POLR1B: variants seen among roughly 807,000 people sequenced by gnomAD.
POLR1B encodes RNA polymerase I subunit B, also known as DNA-directed RNA polymerase I subunit RPA2.
POLR1B carries 30 observed loss-of-function variants against 105.8 expected under a neutral mutation model. The ratio of observed to expected loss-of-function variants is 0.28; its 90% CI spans 0.21 to 0.38. POLR1B has a LOEUF of 0.38. Ranked by LOEUF, POLR1B falls within the 10% of genes least tolerant of loss-of-function variation. POLR1B has a pLI of 1.00. For synonymous variants in POLR1B, 485 were observed against 505.1 expected (o/e 0.96, Z 0.53); for missense variants, 976 against 1,435.8 (o/e 0.68, Z 5.17).
chr2:112,567,854 GGGCTTTT>G (rs1391729966), intron 10 of POLR1B, 106 bp from the exon 11 acceptor site: 299 of 872,098 alleles, frequency 3.4e-4, no homozygotes, highest in Non-Finnish European at 4.3e-4. Flanking sequence ...CAAGGAAGTA[GGGCTTTT>G]ACCATGGCTG....
Position 112,549,373 on chromosome 2 carries a change from C to T in POLR1B, c.599C>T (p.Thr200Ile), listed in dbSNP as rs763125203. ...GCAATGATAAGACCAAAATGGAAAACCAGAGGGCCTGGTTATACTCAGTAT... is the reference window on the plus strand; with the variant it reads ...GCAATGATAAGACCAAAATGGAAAATCAGAGGGCCTGGTTATACTCAGTAT... Reference protein sequence around the residue: ...PIAMIRPKWKTRGPGYTQYGV... With the variant: ...PIAMIRPKWKIRGPGYTQYGV... The change falls in exon 4 of 15, where the codon ACC (threonine) becomes ATC (isoleucine). Residue 200 changes from threonine to isoleucine, a missense_variant. Thr to Ile is a moderately conservative substitution (Grantham distance 89). Coordinates refer to ENST00000263331, the MANE Select transcript of POLR1B (RefSeq NM_019014.6). The T allele has an allele frequency of 6.2e-7, 1 of 1,613,340 alleles. No individual in the cohort carries two copies. The highest frequency in any genetic ancestry group is 1.1e-5 in the South Asian group (1 of 91,008).
At chr2:112,546,869 A>T in intron 1 of POLR1B, 143 bp from the exon 2 acceptor site, 1 of 837,286 alleles carries the variant, frequency 1.2e-6, no homozygotes, top group Non-Finnish European at 1.8e-6. Context: ...GGCCAACTGG[A>T]GGTAGCCTTA....
At chr2:112,557,552 T>C (rs1463237897) in intron 7 of POLR1B, among the ~76,000 whole-genome samples, 2 of 152,226 alleles carry the variant, frequency 1.3e-5, no homozygotes, top group Non-Finnish European at 2.9e-5. Context: ...GGAATAAATA[T>C]GAAGTTTGTG....
chr2:112,558,079 C>A lies in POLR1B; in HGVS notation c.1328C>A (p.Thr443Lys). 1 of 1,330,120 alleles carries A rather than the reference C, an allele frequency of 7.5e-7. No individual in the cohort carries two copies. Among genetic ancestry groups the A allele is most frequent in the South Asian group, 2.7e-5 (1 of 36,606 alleles). The allele number at this position is 1,330,120 out of a possible 1,614,324, so 82.4% of individuals were successfully genotyped here. A position where few individuals can be genotyped will look rare whatever the true frequency, so the allele number is the denominator to read the frequency against. The change falls in exon 8 of 15, where the codon ACA (threonine) becomes AAA (lysine). Residue 443 changes from threonine (T) to lysine (K), a missense_variant and splice_region_variant. Thr to Lys is a moderately conservative substitution (Grantham distance 78). Transcript: ENST00000263331. ...LFATGNLRSK[T>K]GLGLLQDSGL... Reference sequence around the variant, plus strand: ...GCTACTGGGAATCTGCGTTCTAAAACAGGTAAAATTAAATCGATCGTTTTA... The same window carrying A: ...GCTACTGGGAATCTGCGTTCTAAAAAAGGTAAAATTAAATCGATCGTTTTA...
At chr2:112,553,452 A>G (rs962063002) in intron 7 of POLR1B, 1 of 152,014 alleles carries the variant, frequency 6.6e-6, no homozygotes, top group Non-Finnish European at 1.5e-5. Flanking sequence ...AGCTGGGACT[A>G]TAGACATTCA....
chr2:112,545,157 TATAAA>T (rs1035639376), intron 1 of POLR1B, among the ~76,000 whole-genome samples: 1 of 152,232 alleles, frequency 6.6e-6, no homozygotes, highest in African/African-American at 2.4e-5. Flanking sequence ...TAAAGTTCTG[TATAAA>T]GTTCCTAAGC....
chr2:112,545,964 T>C (rs1244852835), intron 1 of POLR1B: 6 of 158,754 alleles, frequency 3.8e-5, no homozygotes, highest in East Asian at 1.9e-4. Flanking sequence ...AAATAAAATA[T>C]GAATTTCTAA....
At chr2:112,556,225 C>T (rs900880683) in intron 7 of POLR1B, among the ~76,000 whole-genome samples, 4 of 151,806 alleles carry the variant, frequency 2.6e-5, no homozygotes, top group Non-Finnish European at 4.4e-5. Flanking sequence ...TCTACTCAAA[C>T]TTGATTCTCT....
intron 12 of POLR1B, among the ~76,000 whole-genome samples, chr2:112,572,264 TA>T (rs1684632795): frequency 6.6e-6 from 1 of 152,218 alleles, no homozygotes; most frequent in South Asian, 2.1e-4. Flanking sequence ...CATGTATCCA[TA>T]AACTAAGTAT....
chr2:112,546,935 A>T, intron 1 of POLR1B, 77 bp from the exon 2 acceptor site: 2 of 1,457,726 alleles, frequency 1.4e-6, no homozygotes, highest in Non-Finnish European at 1.9e-6. Flanking sequence ...TTTGTAGAAC[A>T]CATAAGATTT....
At chr2:112,549,848 A>G (rs1683270438) in intron 4 of POLR1B, among the ~76,000 whole-genome samples, 1 of 152,164 alleles carries the variant, frequency 6.6e-6, no homozygotes, top group Admixed American at 6.6e-5. Flanking sequence ...TCTCAACCAC[A>G]CACGCGTGCA....
rs1251656819 is a variant in POLR1B at position 112,579,026 on chromosome 2, G to A, written c.*3297G>A. Reference sequence around the variant, plus strand: ...AGTTTGAGACCAGCCTGGCCATCATGGGGAAACCCCGTCTCTATTAAAAAT... The same window carrying A: ...AGTTTGAGACCAGCCTGGCCATCATAGGGAAACCCCGTCTCTATTAAAAAT... On this transcript the variant is annotated 3_prime_UTR_variant, in exon 15 of 15. Transcript: ENST00000263331. 6.6e-6 allele frequency among the ~76,000 whole-genome samples: 1 copy of A among 151,820 alleles called. No individual in the cohort carries two copies. The highest frequency in any genetic ancestry group is 1.5e-5 in the Non-Finnish European group (1 of 67,968).
intron 1 of POLR1B, among the ~76,000 whole-genome samples, chr2:112,543,775 G>GA (rs1168873751): frequency 6.6e-6 from 1 of 152,134 alleles, no homozygotes; most frequent in Non-Finnish European, 1.5e-5. Flanking sequence ...ATGTCTGTGA[G>GA]AAAAAATTCC....
intron 9 of POLR1B, among the ~76,000 whole-genome samples, chr2:112,563,795 G>A (rs542784194): frequency 6.6e-6 from 1 of 152,114 alleles, no homozygotes; most frequent in Non-Finnish European, 1.5e-5. Flanking sequence ...TACTCGGGAG[G>A]CTGAGGTGGG....
chr2:112,545,193 CT>C (rs1682971267), intron 1 of POLR1B, among the ~76,000 whole-genome samples: 1 of 152,260 alleles, frequency 6.6e-6, no homozygotes, highest in Admixed American at 6.5e-5. Flanking sequence ...TGTGCTGTGC[CT>C]TTAGGGGAAA....
chr2:112,568,684 TG>T, intron 11 of POLR1B, 61 bp from the exon 12 acceptor site: 2 of 1,552,996 alleles, frequency 1.3e-6, no homozygotes, highest in Non-Finnish European at 1.8e-6. Flanking sequence ...CTCTGAGAAA[TG>T]GTAAGAGTAA....
chr2:112,556,115 G>T (rs557841383), intron 7 of POLR1B, among the ~76,000 whole-genome samples: 1 of 152,234 alleles, frequency 6.6e-6, no homozygotes, highest in African/African-American at 2.4e-5. Flanking sequence ...GAAGTGTTCA[G>T]TGTACACCTG....
At chr2:112,556,292 G>C (rs1397524343) in intron 7 of POLR1B, among the ~76,000 whole-genome samples, 2 of 152,202 alleles carry the variant, frequency 1.3e-5, no homozygotes, top group African/African-American at 2.4e-5. Flanking sequence ...TGAGCTAACA[G>C]CTTCCTTCAC....
intron 3 of POLR1B, chr2:112,548,000 A>G (rs1247924704): frequency 6.5e-6 from 1 of 154,944 alleles, no homozygotes; most frequent in Non-Finnish European, 1.4e-5. Flanking sequence ...ACAGTGAGCC[A>G]TGATTGTGCC....
Sources: allele counts gnomAD v4.1 joint callset (sites outside exome capture counted in the v4.1 genomes callset), GRCh38; gene constraint gnomAD v4.1.1; transcripts MANE v1.5; gene names NCBI Gene and HGNC (gene_info 2026-07-23, HGNC 2026-07-21).